SAE1: variants seen among roughly 807,000 people sequenced by gnomAD.
SAE1 encodes SUMO-activating enzyme subunit 1.
SAE1 carries 11 observed loss-of-function variants against 40.6 expected under a neutral mutation model. The ratio of observed to expected loss-of-function variants is 0.27; its 90% CI spans 0.17 to 0.45. The LOEUF (loss-of-function observed/expected upper bound fraction) is 0.45. Ranked by LOEUF, SAE1 falls within the 20% of genes least tolerant of loss-of-function variation. The probability of loss-of-function intolerance (pLI) is 1.00; values close to 1 mark genes in which losing one functional copy is unlikely to be tolerated. For missense variants in SAE1, 373 were observed against 427.3 expected (o/e 0.87, Z 1.12); for synonymous variants, 155 against 154.3 (o/e 1.00, Z -0.03).
At chr19:47,154,509 T>TTTTTTTG (rs1170158203) in intron 4 of SAE1, among the ~76,000 whole-genome samples, 2 of 126,634 alleles carry the variant, frequency 1.6e-5, no homozygotes, top group African/African-American at 5.8e-5. Context: ...TTTTTTTTTT[T>TTTTTTTG]TCTGAGACAG....
intron 1 of SAE1, among the ~76,000 whole-genome samples, chr19:47,138,422 G>T (rs2058196168): frequency 6.6e-6 from 1 of 152,202 alleles, no homozygotes; most frequent in Non-Finnish European, 1.5e-5. Context: ...ATTGTCATGG[G>T]AATTAAATGA....
In SAE1 at chr19:47,155,225, G is replaced by C. The variant is rs11670191; in HGVS notation, c.627+12G>C. 8 of 1,587,992 alleles carry C rather than the reference G, an allele frequency of 5.0e-6. No homozygotes were observed. Among genetic ancestry groups the C allele is most frequent in the Non-Finnish European group, 6.9e-6 (8 of 1,156,738 alleles). On this transcript the variant is annotated intron_variant, in intron 5 of 8. Coordinates refer to ENST00000270225, the MANE Select transcript of SAE1 (RefSeq NM_005500.3). Reference sequence around the variant, plus strand: ...CGATGGTCAAAAAGGTATGTGTAACGTGGGGGCAGAGGTCAGAAACCCTGG... The same window carrying C: ...CGATGGTCAAAAAGGTATGTGTAACCTGGGGGCAGAGGTCAGAAACCCTGG...
intron 1 of SAE1, among the ~76,000 whole-genome samples, chr19:47,137,376 G>A (rs547985227): frequency 3.9e-5 from 6 of 152,146 alleles, no homozygotes; most frequent in Admixed American, 6.6e-5. Flanking sequence ...TGACAAGAGC[G>A]AAACTCTGTC....
At position 47,159,004 on chromosome 19, in the gene SAE1, C is replaced by T. The variant is rs184012479; in HGVS notation, c.627+3791C>T. On this transcript the variant is annotated intron_variant, in intron 5 of 8. Transcript: ENST00000270225. ...GGCCACTGTCATGCTCCCATGTTCA[C>T]GTTTCTTTATTGTGAGTTATCTGTG... Among the ~76,000 whole-genome samples the T allele has an allele frequency of 5.6e-4, 85 of 152,222 alleles. 1 individual carries two copies. The highest frequency in any genetic ancestry group is 1.9e-3 in the African/African-American group (78 of 41,524).
chr19:47,168,792 C>T (rs966936471), intron 5 of SAE1, among the ~76,000 whole-genome samples: 2 of 152,062 alleles, frequency 1.3e-5, no homozygotes, highest in Non-Finnish European at 2.9e-5. Context: ...TTAATAGAGA[C>T]GGGGTTTCAC....
chr19:47,170,503 C>CTT (rs34836827), intron 6 of SAE1, among the ~76,000 whole-genome samples: 4,125 of 83,830 alleles, frequency 0.049, 416 homozygotes, highest in African/African-American at 0.077. Context: ...CGCCCCCCGC[C>CTT]TTTTTTTTTT....
intron 6 of SAE1, 21 bp from the exon 7 acceptor site, chr19:47,197,212 C>T: frequency 6.3e-7 from 1 of 1,581,548 alleles, no homozygotes; most frequent in Non-Finnish European, 8.6e-7. Context: ...TTATAACCTG[C>T]CTTCTTTTTC....
chr19:47,181,835 A>G (rs1343236447), intron 6 of SAE1, among the ~76,000 whole-genome samples: 2 of 129,344 alleles, frequency 1.5e-5, no homozygotes. Flanking sequence ...TTTAAGACAG[A>G]GTCTTGCTCT....
At chr19:47,185,288 T>A (rs1213744057) in intron 6 of SAE1, among the ~76,000 whole-genome samples, 10 of 152,042 alleles carry the variant, frequency 6.6e-5, no homozygotes, top group Non-Finnish European at 2.9e-5. Context: ...AATCTGAATT[T>A]TTTTTTATTT....
intron 3 of SAE1, 83 bp from the exon 4 acceptor site, chr19:47,152,815 G>T (rs1273780031): frequency 5.9e-6 from 8 of 1,353,824 alleles, no homozygotes; most frequent in Middle Eastern, 2.6e-4. Context: ...CAGAGAGACT[G>T]TTCATTAAGA....
At chr19:47,137,520 GCT>G (rs572718851) in intron 1 of SAE1, among the ~76,000 whole-genome samples, 72 of 151,966 alleles carry the variant, frequency 4.7e-4, no homozygotes, top group South Asian at 4.0e-3. Flanking sequence ...TTTTTTTCTC[GCT>G]CTGTTACCCA....
chr19:47,179,795 G>T (rs1482946596), intron 6 of SAE1, among the ~76,000 whole-genome samples: 2 of 152,132 alleles, frequency 1.3e-5, no homozygotes, highest in Admixed American at 1.3e-4. Flanking sequence ...TGTCTCCTGG[G>T]CTGAAGTGAG....
At position 47,192,399 on chromosome 19, in the gene SAE1, C is replaced by T. The variant is rs765687312; in HGVS notation, c.734-4834C>T. On this transcript the variant is annotated intron_variant, in intron 6 of 8. Transcript: ENST00000270225. ...GAGTAGCTGGGATTAAAAGCGTCCGCCACCATGCCCAGCTAATTTTTGTAT... is the reference window on the plus strand; with the variant it reads ...GAGTAGCTGGGATTAAAAGCGTCCGTCACCATGCCCAGCTAATTTTTGTAT... Among the ~76,000 whole-genome samples, 146 of 152,108 alleles carry T rather than the reference C, an allele frequency of 9.6e-4. 1 individual carries two copies. Among genetic ancestry groups the T allele is most frequent in the Non-Finnish European group, 1.5e-3 (105 of 67,990 alleles).
intron 7 of SAE1, among the ~76,000 whole-genome samples, chr19:47,198,448 C>T (rs2058630783): frequency 6.6e-6 from 1 of 152,122 alleles, no homozygotes; most frequent in Non-Finnish European, 1.5e-5. Flanking sequence ...GGATCATGTA[C>T]ACACCCTAAT....
At chr19:47,190,264 A>G (rs1600204391) in intron 6 of SAE1, among the ~76,000 whole-genome samples, 5 of 152,220 alleles carry the variant, frequency 3.3e-5, no homozygotes. Flanking sequence ...TCTATCCCTG[A>G]CAGTGTTTGA....
intron 6 of SAE1, among the ~76,000 whole-genome samples, chr19:47,174,676 CA>C (rs1283232179): frequency 6.6e-6 from 1 of 150,992 alleles, no homozygotes; most frequent in African/African-American, 2.4e-5. Flanking sequence ...GGGTTCACGC[CA>C]TTCTCCTGCC....
chr19:47,198,849 G>A (rs539693371), intron 7 of SAE1, among the ~76,000 whole-genome samples: 1 of 152,294 alleles, frequency 6.6e-6, no homozygotes, highest in East Asian at 1.9e-4. Context: ...ACTTTGGGAG[G>A]TTGAGGCAGG....
chr19:47,208,894 G>A (rs2058699022), intron 8 of SAE1, among the ~76,000 whole-genome samples: 1 of 152,184 alleles, frequency 6.6e-6, no homozygotes, highest in African/African-American at 2.4e-5. Flanking sequence ...TTTAACCCAG[G>A]CAAATACATT....
intron 5 of SAE1, 141 bp from the exon 6 acceptor site, chr19:47,169,677 C>A: frequency 1.5e-6 from 1 of 673,436 alleles, no homozygotes; most frequent in East Asian, 2.5e-5. Flanking sequence ...ATAAGCATTT[C>A]TTGGATCAAA....
Sources: allele counts gnomAD v4.1 joint callset (sites outside exome capture counted in the v4.1 genomes callset), GRCh38; gene constraint gnomAD v4.1.1; transcripts MANE v1.5; gene names NCBI Gene and HGNC (gene_info 2026-07-23, HGNC 2026-07-21).